DPP6: variants seen among roughly 807,000 people sequenced by gnomAD.
DPP6 encodes A-type potassium channel modulatory protein DPP6.
In DPP6, 69 loss-of-function variants were observed where a neutral mutation model predicts 122.6. The ratio of observed to expected loss-of-function variants is 0.56; its 90% CI spans 0.46 to 0.69. The LOEUF is 0.69. Ranked by LOEUF, DPP6 falls within the 30% of genes least tolerant of loss-of-function variation. The probability of loss-of-function intolerance (pLI) is 0.00; values close to 1 mark genes in which losing one functional copy is unlikely to be tolerated. For missense variants in DPP6, 928 were observed against 1,116.9 expected (o/e 0.83, Z 2.41); for synonymous variants, 418 against 433.1 (o/e 0.97, Z 0.43).
chr7:154,649,445 T>G (rs536532637), intron 6 of DPP6, among the ~76,000 whole-genome samples: 1 of 152,360 alleles, frequency 6.6e-6, no homozygotes, highest in African/African-American at 2.4e-5. Flanking sequence ...AACTAGATTC[T>G]AAAGTGCCCA....
intron 16 of DPP6, among the ~76,000 whole-genome samples, chr7:154,848,678 C>A (rs922422898): frequency 1.3e-4 from 20 of 152,212 alleles, no homozygotes; most frequent in Admixed American, 1.2e-3. Flanking sequence ...CAATCCCGTT[C>A]ACCTAGCTTT....
At chr7:154,054,871 A>T (rs1465652192) in intron 1 of DPP6, among the ~76,000 whole-genome samples, 3 of 151,174 alleles carry the variant, frequency 2.0e-5, no homozygotes, top group Non-Finnish European at 4.4e-5. Context: ...AGGAGAAAGG[A>T]AAGGCAAGAG....
At chr7:154,801,818 GC>G (rs1299669320) in intron 13 of DPP6, among the ~76,000 whole-genome samples, 2 of 152,040 alleles carry the variant, frequency 1.3e-5, no homozygotes, top group Non-Finnish European at 2.9e-5. Flanking sequence ...CCCCGCTGAG[GC>G]ATGGCTCCAT....
At chr7:154,103,993 G>A (rs1294547551) in intron 1 of DPP6, among the ~76,000 whole-genome samples, 1 of 152,178 alleles carries the variant, frequency 6.6e-6, no homozygotes, top group Non-Finnish European at 1.5e-5. Flanking sequence ...GGCCTATGGT[G>A]GGACTTCACG....
intron 1 of DPP6, among the ~76,000 whole-genome samples, chr7:154,364,848 C>G (rs1812022314): frequency 6.6e-6 from 1 of 152,162 alleles, no homozygotes; most frequent in Non-Finnish European, 1.5e-5. Flanking sequence ...CAGTAGTTGT[C>G]AACTTCAGCT....
chr7:153,900,234 T>C, intron 1 of DPP6, among the ~76,000 whole-genome samples: 1 of 75,966 alleles, frequency 1.3e-5, no homozygotes, highest in Non-Finnish European at 2.3e-5. Context: ...TCTCCCATCT[T>C]TCTGTTTTTT....
At chr7:154,371,071 C>T (rs574699538) in intron 1 of DPP6, among the ~76,000 whole-genome samples, 36 of 152,290 alleles carry the variant, frequency 2.4e-4, no homozygotes, top group African/African-American at 7.2e-4. Context: ...AATGCTCTTT[C>T]ATCTTCAAAT....
At chr7:154,013,474 T>TTTA (rs397946368) in intron 1 of DPP6, among the ~76,000 whole-genome samples, 1 of 150,220 alleles carries the variant, frequency 6.7e-6, no homozygotes, top group Non-Finnish European at 1.5e-5. Flanking sequence ...TTTTTTTTTT[T>TTTA]AACAAATTCA....
In DPP6 at chr7:154,523,804, A is replaced by T. The variant is rs115045869; in HGVS notation, c.458-16728A>T. ...ATCTATAATGTCTACTTGTCCCATGATTGGTGATTCGAAGGGGAGATTAAT... is the reference window on the plus strand; with the variant it reads ...ATCTATAATGTCTACTTGTCCCATGTTTGGTGATTCGAAGGGGAGATTAAT... On this transcript the variant is annotated intron_variant, in intron 3 of 25. Transcript: ENST00000377770. 3.8e-3 allele frequency among the ~76,000 whole-genome samples: 572 copies of T among 152,264 alleles called. 3 individuals are homozygous for T. The highest frequency in any genetic ancestry group is 0.013 in the African/African-American group (554 of 41,560).
At chr7:154,042,742 T>C (rs1799827193) in intron 1 of DPP6, among the ~76,000 whole-genome samples, 1 of 152,240 alleles carries the variant, frequency 6.6e-6, no homozygotes, top group Non-Finnish European at 1.5e-5. Context: ...AGAATTGCAT[T>C]ACATTTAGTG....
At chr7:153,796,648 G>A in the DPP6 span, among the ~76,000 whole-genome samples, 1 of 152,146 alleles carries the variant, frequency 6.6e-6, no homozygotes, top group South Asian at 2.1e-4. Context: ...TGGCACAAAG[G>A]CCACATGTTA....
chr7:154,335,625 A>C (rs2151048071), intron 1 of DPP6, among the ~76,000 whole-genome samples: 1 of 152,292 alleles, frequency 6.6e-6, no homozygotes, highest in African/African-American at 2.4e-5. Context: ...AGAGTTGGAT[A>C]CTGTAGCACA....
chr7:154,324,365 C>G (rs558087515), intron 1 of DPP6, among the ~76,000 whole-genome samples: 1 of 152,288 alleles, frequency 6.6e-6, no homozygotes, highest in Admixed American at 6.5e-5. Flanking sequence ...TCTCACTGCA[C>G]TTCTGCCCCT....
At chr7:154,523,275 A>G (rs536666109) in intron 3 of DPP6, among the ~76,000 whole-genome samples, 1 of 152,344 alleles carries the variant, frequency 6.6e-6, no homozygotes, top group East Asian at 1.9e-4. Flanking sequence ...AGAAAAGTAG[A>G]AAACATATTT....
chr7:154,366,020 G>T (rs991375960), intron 1 of DPP6, among the ~76,000 whole-genome samples: 2 of 151,890 alleles, frequency 1.3e-5, no homozygotes, highest in African/African-American at 4.8e-5. Flanking sequence ...ATCTTCCGGG[G>T]TAAGCCTGCG....
At chr7:154,731,405 C>G (rs1842334354) in intron 8 of DPP6, among the ~76,000 whole-genome samples, 1 of 152,190 alleles carries the variant, frequency 6.6e-6, no homozygotes, top group African/African-American at 2.4e-5. Context: ...ATATTGGAGA[C>G]TGAGGAAGAG....
intron 16 of DPP6, among the ~76,000 whole-genome samples, chr7:154,809,829 A>G (rs946138243): frequency 6.6e-6 from 1 of 152,186 alleles, no homozygotes; most frequent in Non-Finnish European, 1.5e-5. Context: ...TCTGCTCCAC[A>G]TGGTGACCCT....
At chr7:154,842,751 C>A (rs1439350389) in intron 16 of DPP6, among the ~76,000 whole-genome samples, 1 of 152,158 alleles carries the variant, frequency 6.6e-6, no homozygotes, top group East Asian at 1.9e-4. Flanking sequence ...GTGTCACCAA[C>A]CAAAGTTTTT....
intron 8 of DPP6, among the ~76,000 whole-genome samples, chr7:154,740,482 A>G (rs1842768652): frequency 6.6e-6 from 1 of 152,196 alleles, no homozygotes; most frequent in Admixed American, 6.5e-5. Flanking sequence ...TCTTTTGCTC[A>G]CTAAACCTGT....
Sources: gnomAD v4.1 joint callset for allele counts (sites outside exome capture counted in the v4.1 genomes callset) on GRCh38, gnomAD v4.1.1 for gene constraint, MANE v1.5 for transcripts, NCBI Gene and HGNC (gene_info 2026-07-23, HGNC 2026-07-21) for gene names.